Variants in CTNNA3 observed in about 807,000 individuals in gnomAD.
CTNNA3 encodes the protein catenin alpha 3.
In CTNNA3, 76 loss-of-function variants were observed where a neutral mutation model predicts 95.7. The ratio of observed to expected loss-of-function variants is 0.79; its 90% CI spans 0.66 to 0.96. The LOEUF (loss-of-function observed/expected upper bound fraction) is 0.96, where lower values mean the gene tolerates loss of function less well. CTNNA3 is among the 40% of genes least tolerant of loss of function. The pLI, the probability that CTNNA3 is intolerant of heterozygous loss-of-function variation, is 0.00. For missense variants in CTNNA3, 1,191 were observed against 1,089.8 expected, an observed-to-expected ratio of 1.09 and a Z score of -1.31; for synonymous variants, 431 against 374.4, an observed-to-expected ratio of 1.15 and a Z score of -1.74.
At chr10:66,001,327 C>G (rs2078766018) in intron 15 of CTNNA3, among the ~76,000 whole-genome samples, 1 of 152,104 alleles carries the variant, frequency 6.6e-6, no homozygotes, top group African/African-American at 2.4e-5. Context: ...ATTCCATGTG[C>G]CATGCTACAT....
At chr10:66,523,477 G>C (rs2660044) in intron 10 of CTNNA3, among the ~76,000 whole-genome samples, 1 of 152,128 alleles carries the variant, frequency 6.6e-6, no homozygotes, top group South Asian at 2.1e-4. Context: ...ACCCTCTTTA[G>C]GGCAGAAAAA....
chr10:66,978,323 C>T (rs541846627), intron 7 of CTNNA3, among the ~76,000 whole-genome samples: 200 of 151,272 alleles, frequency 1.3e-3, no homozygotes, highest in African/African-American at 4.6e-3. Flanking sequence ...GTCAGGAGTT[C>T]GAGACCAGCC....
intron 11 of CTNNA3, among the ~76,000 whole-genome samples, chr10:66,436,215 C>T (rs2093336814): frequency 6.6e-6 from 1 of 151,974 alleles, no homozygotes; most frequent in African/African-American, 2.4e-5. Flanking sequence ...GCTGAGTTCA[C>T]ATCCTGAATA....
chr10:66,528,151 G>A (rs1841335743), intron 10 of CTNNA3, among the ~76,000 whole-genome samples: 1 of 152,048 alleles, frequency 6.6e-6, no homozygotes, highest in Non-Finnish European at 1.5e-5. Flanking sequence ...TTTCCTCATA[G>A]AGGCCTGTCC....
At chr10:67,122,823 T>C (rs1859534217) in intron 7 of CTNNA3, among the ~76,000 whole-genome samples, 1 of 152,152 alleles carries the variant, frequency 6.6e-6, no homozygotes, top group African/African-American at 2.4e-5. Context: ...AGCATCGGTC[T>C]GATGAGGCCA....
intron 7 of CTNNA3, among the ~76,000 whole-genome samples, chr10:66,859,469 T>C (rs368514827): frequency 2.0e-5 from 3 of 152,052 alleles, no homozygotes; most frequent in South Asian, 4.2e-4. Flanking sequence ...CAATGAGATA[T>C]CATCTCATAC....
At chr10:65,965,320 G>A (rs1011205792) in intron 17 of CTNNA3, among the ~76,000 whole-genome samples, 1 of 150,626 alleles carries the variant, frequency 6.6e-6, no homozygotes, top group African/African-American at 2.5e-5. Context: ...TGATCCATCT[G>A]GCATGTTATT....
chr10:67,223,716 A>G (rs1365274738), intron 5 of CTNNA3, among the ~76,000 whole-genome samples: 4 of 152,186 alleles, frequency 2.6e-5, no homozygotes, highest in Non-Finnish European at 4.4e-5. Flanking sequence ...AATTAATTCA[A>G]CCATTCCTTC....
intron 4 of CTNNA3, among the ~76,000 whole-genome samples, chr10:67,524,604 T>C (rs2133166648): frequency 6.6e-6 from 1 of 152,288 alleles, no homozygotes; most frequent in Non-Finnish European, 1.5e-5. Context: ...ATCCTCCATT[T>C]ATTGATAATA....
intron 17 of CTNNA3, among the ~76,000 whole-genome samples, chr10:65,939,951 A>G (rs147077276): frequency 7.2e-4 from 110 of 152,318 alleles, no homozygotes; most frequent in African/African-American, 2.5e-3. Flanking sequence ...TATATTATTT[A>G]TGACAAAATA....
chr10:66,259,289 CCACT>C (rs1398717155), intron 13 of CTNNA3, among the ~76,000 whole-genome samples: 1 of 152,110 alleles, frequency 6.6e-6, no homozygotes, highest in Non-Finnish European at 1.5e-5. Context: ...TACAACTTAT[CCACT>C]CACTATCCCC....
intron 10 of CTNNA3, among the ~76,000 whole-genome samples, chr10:66,526,778 G>A (rs985639798): frequency 2.6e-5 from 4 of 151,946 alleles, no homozygotes; most frequent in African/African-American, 9.7e-5. Context: ...CAAGTATTTT[G>A]CCCATTTTTA....
upstream of CTNNA3, among the ~76,000 whole-genome samples, chr10:67,698,431 A>G (rs1191634431): frequency 6.6e-6 from 1 of 152,188 alleles, no homozygotes; most frequent in African/African-American, 2.4e-5. Context: ...AGATTACAGG[A>G]GAGAAGGGAG....
In CTNNA3 at chr10:66,942,977, A is replaced by G. The variant is rs140767489; in HGVS notation, c.1048-167453T>C. On this transcript the variant is annotated intron_variant, in intron 7 of 17. Transcript: ENST00000433211. ...CTATAATGTGCAGGCACATAGGTTG[A>G]CTTTTCTTTCTTCCCAGGGCAAACA... 2.6e-4 allele frequency among the ~76,000 whole-genome samples: 40 copies of G among 152,332 alleles called. 1 individual carries two copies. The East Asian group carries it at 6.4e-3, about 24-fold the overall frequency.
chr10:66,228,956 G>A (rs985763764), intron 13 of CTNNA3, among the ~76,000 whole-genome samples: 1 of 151,836 alleles, frequency 6.6e-6, no homozygotes, highest in African/African-American at 2.4e-5. Flanking sequence ...AGCTACTTCT[G>A]CTCATTTTTG....
At chr10:66,296,455 T>C (rs1468628150) in intron 12 of CTNNA3, among the ~76,000 whole-genome samples, 2 of 152,106 alleles carry the variant, frequency 1.3e-5, no homozygotes, top group African/African-American at 4.8e-5. Flanking sequence ...GCAAGATCTC[T>C]TTAAAATGGT....
intron 11 of CTNNA3, among the ~76,000 whole-genome samples, chr10:66,509,250 G>T: frequency 6.6e-6 from 1 of 151,978 alleles, no homozygotes; most frequent in Non-Finnish European, 1.5e-5. Flanking sequence ...TTTCTGTGCT[G>T]TTGTTTGAGT....
intron 11 of CTNNA3, among the ~76,000 whole-genome samples, chr10:66,519,513 C>T (rs548636546): frequency 2.6e-5 from 4 of 152,258 alleles, no homozygotes; most frequent in South Asian, 2.1e-4. Flanking sequence ...AAACCTGCCT[C>T]CCATTCTATT....
intron 7 of CTNNA3, among the ~76,000 whole-genome samples, chr10:66,817,269 A>G (rs939452967): frequency 2.6e-5 from 4 of 151,390 alleles, no homozygotes; most frequent in Non-Finnish European, 5.9e-5. Flanking sequence ...CAAGTTAGCA[A>G]AAGAAGAGCA....
Sources: allele counts gnomAD v4.1 joint callset (sites outside exome capture counted in the v4.1 genomes callset), GRCh38; gene constraint gnomAD v4.1.1; transcripts MANE v1.5; gene names NCBI Gene and HGNC (gene_info 2026-07-23, HGNC 2026-07-21).